The following SLC1A6 variants were observed in gnomAD, a reference collection of about 807,000 sequenced individuals.
The protein encoded by SLC1A6 is excitatory amino acid transporter 4.
Under a neutral mutation model 42.1 loss-of-function variants are expected in SLC1A6, and 15 were observed. That is an observed-to-expected ratio of 0.36 (90% CI 0.24 to 0.55). The LOEUF is 0.55. SLC1A6 is among the 20% of genes least tolerant of loss of function. The pLI is 0.88. For synonymous variants in SLC1A6, 317 were observed against 319.7 expected (o/e 0.99, Z 0.09); for missense variants, 542 against 772.5 (o/e 0.70, Z 3.54).
chr19:14,998,162 C>G (rs2045856140), intron 1 of SLC1A6, among the ~76,000 whole-genome samples: 1 of 152,134 alleles, frequency 6.6e-6, no homozygotes, highest in Non-Finnish European at 1.5e-5. Context: ...TAGTTCAGGC[C>G]ATGATAGAAA....
chr19:14,956,092 G>T (rs2045460348), intron 7 of SLC1A6, among the ~76,000 whole-genome samples: 1 of 152,130 alleles, frequency 6.6e-6, no homozygotes. Flanking sequence ...GGAAGAGGAT[G>T]AAGGGGAAGA....
intron 1 of SLC1A6, among the ~76,000 whole-genome samples, chr19:14,989,695 C>T (rs1042539824): frequency 2.6e-5 from 4 of 151,792 alleles, no homozygotes; most frequent in Admixed American, 2.0e-4. Context: ...AGTATGGAGG[C>T]TGGGCACAGT....
At chr19:14,983,719 C>CAAAAAAAAAAAAAAAAAAAAA, upstream of SLC1A6, among the ~76,000 whole-genome samples, 2 of 52,304 alleles carry the variant, frequency 3.8e-5, no homozygotes, top group Non-Finnish European at 7.2e-5. Context: ...ACAACAACAC[C>CAAAAAAAAAAAAAAAAAAAAA]AAAAAAAAAA....
intron 1 of SLC1A6, chr19:14,973,181 A>T: frequency 2.1e-6 from 1 of 485,754 alleles, no homozygotes; most frequent in South Asian, 3.2e-5. Flanking sequence ...CAGGAGGATC[A>T]CTTGAGCCCA....
At chr19:14,989,068 G>A (rs1038507639) in intron 1 of SLC1A6, among the ~76,000 whole-genome samples, 1 of 152,070 alleles carries the variant, frequency 6.6e-6, no homozygotes, top group Non-Finnish European at 1.5e-5. Context: ...ACAAATGGGA[G>A]CTAAACGATG....
chr19:15,010,017 A>G (rs2045917216), intron 1 of SLC1A6, among the ~76,000 whole-genome samples: 2 of 4,614 alleles, frequency 4.3e-4, no homozygotes, highest in East Asian at 0.026. Flanking sequence ...GTCTCTACTA[A>G]AAAAAAAAAA....
intron 1 of SLC1A6, among the ~76,000 whole-genome samples, chr19:14,985,058 T>C (rs2045786678): frequency 6.6e-6 from 1 of 152,176 alleles, no homozygotes; most frequent in Non-Finnish European, 1.5e-5. Flanking sequence ...ATTTTTGTAT[T>C]TTTAGTAGAG....
At chr19:14,993,426 G>A (rs2045830507) in intron 1 of SLC1A6, among the ~76,000 whole-genome samples, 1 of 151,968 alleles carries the variant, frequency 6.6e-6, no homozygotes, top group South Asian at 2.1e-4. Flanking sequence ...CTTTCAAATG[G>A]TCAATTTTAT....
chr19:15,006,643 G>A (rs1218665985), intron 1 of SLC1A6, among the ~76,000 whole-genome samples: 2 of 151,414 alleles, frequency 1.3e-5, no homozygotes, highest in African/African-American at 4.9e-5. Flanking sequence ...AAAATATTTG[G>A]ACAGGCACGG....
At chr19:14,969,600 G>C (rs2045614449) in intron 3 of SLC1A6, among the ~76,000 whole-genome samples, 1 of 152,122 alleles carries the variant, frequency 6.6e-6, no homozygotes, top group South Asian at 2.1e-4. Flanking sequence ...TCACTTCCTT[G>C]CGAGTTTCTC....
At chr19:14,960,735 C>A (rs1219327630) in intron 6 of SLC1A6, among the ~76,000 whole-genome samples, 1 of 152,020 alleles carries the variant, frequency 6.6e-6, no homozygotes, top group Non-Finnish European at 1.5e-5. Flanking sequence ...CTCACAGAAG[C>A]AGGGAGTAAA....
intron 1 of SLC1A6, among the ~76,000 whole-genome samples, chr19:15,007,536 A>G (rs1254373639): frequency 2.1e-5 from 3 of 142,904 alleles, no homozygotes; most frequent in African/African-American, 8.1e-5. Flanking sequence ...CATTGTATTT[A>G]TGAAAATTTC....
Position 14,962,143 on chromosome 19 carries a change from C to T in SLC1A6, c.794G>A (p.Gly265Asp), listed in dbSNP as rs1226652037. 1 of 1,614,226 alleles carries T rather than the reference C, an allele frequency of 6.2e-7. No homozygotes were observed. The change falls in exon 6 of 10, where the codon GGC (glycine) becomes GAC (aspartate). Residue 265 changes from glycine to aspartate, a missense_variant. Physicochemically the swap from Gly to Asp is moderately conservative, Grantham distance 94. This residue lies in a region of SLC1A6 where 298 missense variants were observed against 419.4 expected (regional missense o/e 0.71). Coordinates refer to ENST00000594383, the MANE Select transcript of SLC1A6 (RefSeq NM_005071.3). ...ETVPVPGSAN[G>D]INALGLVVFS... ...GACCACGAGGCCCAGGGCGTTGATG[C>T]CATTGGCGGAGCCAGGCACGGGTAC...
intron 5 of SLC1A6, among the ~76,000 whole-genome samples, chr19:14,962,641 A>G (rs2045527874): frequency 6.6e-6 from 1 of 152,232 alleles, no homozygotes; most frequent in African/African-American, 2.4e-5. Context: ...GGCATGGCTC[A>G]CGCCTGTAAT....
At chr19:14,956,449 G>A (rs1037401354) in intron 7 of SLC1A6, 27 bp downstream of exon 7, 1 of 1,465,292 alleles carries the variant, frequency 6.8e-7, no homozygotes, top group Non-Finnish European at 9.3e-7. Context: ...ACCAGGAATG[G>A]TGCTGGGGTG....
chr19:14,993,199 C>T (rs1007777017), intron 1 of SLC1A6, among the ~76,000 whole-genome samples: 1 of 152,170 alleles, frequency 6.6e-6, no homozygotes, highest in African/African-American at 2.4e-5. Flanking sequence ...CAAATTCAGT[C>T]TGCACTTATA....
In SLC1A6 at chr19:14,953,216, T is replaced by TGCCTC. The variant is rs564458804; in HGVS notation, c.1365-159_1365-155dup. 1.5e-3 allele frequency among the ~76,000 whole-genome samples: 229 copies of TGCCTC among 151,480 alleles called. 14 individuals are homozygous for TGCCTC. In the South Asian group the frequency reaches 0.046, roughly 30 times the overall value. On this transcript the variant is annotated intron_variant, in intron 8 of 9. Coordinates refer to ENST00000594383, the MANE Select transcript of SLC1A6 (RefSeq NM_005071.3). ...ACACAGAGAGAAAAATACTGCTTGA[T>TGCCTC]GCCTCGCCTCGCCTCGCCTCACCTC...
At chr19:14,983,498 C>G (rs1398308814), upstream of SLC1A6, among the ~76,000 whole-genome samples, 1 of 151,626 alleles carries the variant, frequency 6.6e-6, no homozygotes, top group Non-Finnish European at 1.5e-5. Flanking sequence ...CCAGCCTGAG[C>G]AACATATTGA....
upstream of SLC1A6, among the ~76,000 whole-genome samples, chr19:14,983,109 C>T (rs1424819361): frequency 2.6e-5 from 4 of 152,202 alleles, no homozygotes; most frequent in Non-Finnish European, 2.9e-5. Context: ...TTAATACTTG[C>T]GGAGATTCTG....
Sources: gnomAD v4.1 joint callset for allele counts (sites outside exome capture counted in the v4.1 genomes callset) on GRCh38, gnomAD v4.1.1 for gene constraint, gnomAD v4.1.1 regional missense constraint, MANE v1.5 for transcripts, NCBI Gene and HGNC (gene_info 2026-07-23, HGNC 2026-07-21) for gene names.